ABR: variants seen among roughly 807,000 people sequenced by gnomAD.
The protein encoded by ABR is active breakpoint cluster region-related protein.
In ABR, 35 loss-of-function variants were observed where a neutral mutation model predicts 107.2. The observed-to-expected ratio is 0.33, with a 90% CI of 0.25 to 0.43. The LOEUF is 0.43. ABR is among the 20% of genes least tolerant of loss of function. ABR has a pLI of 1.00. For synonymous variants in ABR, 498 were observed against 462.0 expected, an observed-to-expected ratio of 1.08 and a Z score of -1.00; for missense variants, 815 against 1,115.2, an observed-to-expected ratio of 0.73 and a Z score of 3.83.
intron 1 of ABR, among the ~76,000 whole-genome samples, chr17:1,171,619 G>A (rs2041713412): frequency 6.6e-6 from 1 of 152,186 alleles, no homozygotes; most frequent in African/African-American, 2.4e-5. Flanking sequence ...GGCATCAGAG[G>A]TGAGGGCAGG....
At chr17:1,131,344 GCA>G (rs1424266405) in intron 1 of ABR, among the ~76,000 whole-genome samples, 1 of 18,662 alleles carries the variant, frequency 5.4e-5, no homozygotes. Context: ...TGCCTGACAC[GCA>G]CACAGCTCCC....
chr17:1,186,652 G>C (rs939650223), intron 1 of ABR: 2 of 152,322 alleles, frequency 1.3e-5, no homozygotes, highest in Non-Finnish European at 2.9e-5. Flanking sequence ...CACCGTTTTA[G>C]GAGGGTCTCT....
chr17:1,162,790 T>G (rs1210250576), intron 1 of ABR, among the ~76,000 whole-genome samples: 1 of 151,786 alleles, frequency 6.6e-6, no homozygotes, highest in Non-Finnish European at 1.5e-5. Context: ...TTTGAAAGGC[T>G]AGGCCAAGCA....
rs938863621 is a variant in ABR, at chr17:1,078,983, C to G, written c.700+347G>C. ...CGCACGGACTCCAGCATCGGGCAGC[C>G]GCTCCGGAGTGCTCTTCCAGCAAGG... is the stretch of plus-strand genomic sequence containing the variant. On this transcript the variant is annotated intron_variant, in intron 6 of 22. Coordinates refer to ENST00000302538, the MANE Select transcript of ABR (RefSeq NM_021962.5). This position sits in a 1 kb window ranked among gnomAD's most constrained non-coding sequence, Gnocchi z 7.5. 3 of 1,470,790 alleles carry G rather than the reference C, an allele frequency of 2.0e-6. No homozygotes were observed. The highest frequency in any genetic ancestry group is 1.8e-4 in the Middle Eastern group (1 of 5,534). 91.1% of individuals were successfully genotyped at this position (1,470,790 alleles called of 1,614,324 possible).
chr17:1,036,984 T>C (rs747400425), intron 16 of ABR, among the ~76,000 whole-genome samples: 1 of 151,842 alleles, frequency 6.6e-6, no homozygotes, highest in Non-Finnish European at 1.5e-5. Context: ...TGTTTCTTTC[T>C]TTCCTTCCTT....
chr17:1,146,260 GACAC>G (rs60058475), intron 1 of ABR, among the ~76,000 whole-genome samples: 8,664 of 140,044 alleles, frequency 0.062, 307 homozygotes, highest in Middle Eastern at 0.1. Context: ...GGCACATGGA[GACAC>G]ACACACACAC....
In ABR at chr17:1,051,843, G is replaced by A. The variant is rs529986732; in HGVS notation, c.1562-1209C>T. Reference sequence around the variant, plus strand: ...AATCCCAGCACTTTGGGAGGCCAAGGTGGGCAGATCACCTGAGGTCAGGAG... The same window carrying A: ...AATCCCAGCACTTTGGGAGGCCAAGATGGGCAGATCACCTGAGGTCAGGAG... On this transcript the variant is annotated intron_variant, in intron 14 of 22. Coordinates refer to ENST00000302538, the MANE Select transcript of ABR (RefSeq NM_021962.5). This position sits in a 1 kb window ranked among gnomAD's most constrained non-coding sequence, Gnocchi z 4.3. Among the ~76,000 whole-genome samples the A allele has an allele frequency of 6.6e-6, 1 of 152,216 alleles. No homozygotes were observed. The highest frequency in any genetic ancestry group is 1.5e-5 in the Non-Finnish European group (1 of 68,032).
intron 2 of ABR, among the ~76,000 whole-genome samples, chr17:1,103,292 G>A (rs901932106): frequency 6.6e-6 from 1 of 151,846 alleles, no homozygotes; most frequent in African/African-American, 2.4e-5. Context: ...AGCACACGTA[G>A]CCCCGGGGGA....
chr17:1,104,632 C>G (rs940048415), intron 2 of ABR, among the ~76,000 whole-genome samples: 10 of 152,256 alleles, frequency 6.6e-5, no homozygotes, highest in African/African-American at 2.4e-4. Context: ...CACCAAGCAT[C>G]AACCTCAGGA....
intron 2 of ABR, among the ~76,000 whole-genome samples, chr17:1,119,912 T>A (rs9748205): frequency 6.6e-6 from 1 of 152,080 alleles, no homozygotes; most frequent in South Asian, 2.1e-4. Context: ...AGAGATGGAG[T>A]CTTGCTCTGT....
intron 1 of ABR, among the ~76,000 whole-genome samples, chr17:1,212,073 A>G (rs969200749): frequency 2.5e-5 from 2 of 80,548 alleles, no homozygotes; most frequent in Non-Finnish European, 5.0e-5. Flanking sequence ...CAAGAGCAAG[A>G]CCCCATCTCG....
intron 1 of ABR, among the ~76,000 whole-genome samples, chr17:1,156,351 A>T (rs1812542591): frequency 6.6e-6 from 1 of 152,214 alleles, no homozygotes; most frequent in Admixed American, 6.5e-5. Flanking sequence ...TGAAGAAAAA[A>T]AAAAGGCCTC....
intron 1 of ABR, among the ~76,000 whole-genome samples, chr17:1,208,660 G>T (rs537605430): frequency 6.6e-6 from 1 of 152,142 alleles, no homozygotes; most frequent in Non-Finnish European, 1.5e-5. Context: ...AGGCCGAGGC[G>T]GGCGGATCAC....
chr17:1,094,135 G>A (rs1415897070), intron 3 of ABR, among the ~76,000 whole-genome samples: 4 of 152,008 alleles, frequency 2.6e-5, no homozygotes, highest in Admixed American at 6.6e-5. Context: ...GACCCTCGCC[G>A]TCCTAGAACC....
chr17:1,106,039 C>A (rs1298639066), intron 2 of ABR, among the ~76,000 whole-genome samples: 2 of 152,160 alleles, frequency 1.3e-5, no homozygotes, highest in African/African-American at 4.8e-5. Context: ...AAGTGTAAGC[C>A]ATTTTACAAA....
intron 2 of ABR, among the ~76,000 whole-genome samples, chr17:1,112,407 CA>C (rs1468264810): frequency 6.6e-6 from 1 of 152,174 alleles, no homozygotes; most frequent in Non-Finnish European, 1.5e-5. Context: ...GGTTTCCAGG[CA>C]AAGAAGAGAA....
chr17:1,215,248 C>G (rs1434746518), intron 1 of ABR, among the ~76,000 whole-genome samples: 2 of 151,198 alleles, frequency 1.3e-5, no homozygotes, highest in African/African-American at 2.4e-5. Context: ...AGAAAGAGCT[C>G]TCCCTCTCCC....
chr17:1,155,942 G>T (rs763631954), intron 1 of ABR: 4 of 95,470 alleles, frequency 4.2e-5, no homozygotes, highest in Non-Finnish European at 7.8e-5. Context: ...GCAAAAGAGC[G>T]AAATTCCGTC....
At position 1,011,034 on chromosome 17, in the gene ABR, G is replaced by A. The variant is rs1399304693; in HGVS notation, c.2102-171C>T. 2.6e-5 allele frequency: 21 copies of A among 804,804 alleles called. No homozygotes were observed. Among genetic ancestry groups the A allele is most frequent in the Admixed American group, 5.3e-5 (2 of 37,902 alleles). The allele number at this position is 804,804 out of a possible 1,614,324, so 49.9% of individuals were successfully genotyped here. ...TGTCTGTGACTCGGCTCTGTGGGTC[G>A]GGGTTGGGGGAACAGGGAGAGATAG... On this transcript the variant is annotated intron_variant, in intron 19 of 22. Coordinates refer to ENST00000302538, the MANE Select transcript of ABR (RefSeq NM_021962.5). The surrounding 1 kb of genome is among the most constrained non-coding windows in gnomAD (Gnocchi z 4.8).
Sources: allele counts gnomAD v4.1 joint callset (sites outside exome capture counted in the v4.1 genomes callset), GRCh38; gene constraint gnomAD v4.1.1; non-coding constraint Gnocchi (gnomAD v3.1); transcripts MANE v1.5; gene names NCBI Gene and HGNC (gene_info 2026-07-23, HGNC 2026-07-21).